The following SOX6 variants were observed in gnomAD, a reference collection of about 807,000 sequenced individuals.
SOX6 encodes SRY-box transcription factor 6, also known as transcription factor SOX-6.
A neutral mutation model predicts 97.8 loss-of-function variants in SOX6; 11 were observed. The ratio of observed to expected loss-of-function variants is 0.11; its 90% CI spans 0.07 to 0.19. The LOEUF (loss-of-function observed/expected upper bound fraction) is 0.19, where lower values mean the gene tolerates loss of function less well. Among genes scored for constraint, SOX6 ranks in the 10% least tolerant of loss-of-function variants. The pLI, the probability that SOX6 is intolerant of heterozygous loss-of-function variation, is 1.00. For missense variants in SOX6, 810 were observed against 1,039.5 expected (o/e 0.78, Z 3.04); for synonymous variants, 360 against 371.4 (o/e 0.97, Z 0.35).
At chr11:15,984,282 T>C (rs55893116) in intron 15 of SOX6, among the ~76,000 whole-genome samples, 1,864 of 152,298 alleles carry the variant, frequency 0.012, 32 homozygotes, top group African/African-American at 0.043. Flanking sequence ...GGGAACTAAA[T>C]TCAATAGTAT....
chr11:16,236,647 T>C (rs968402318), intron 3 of SOX6, among the ~76,000 whole-genome samples: 1 of 152,000 alleles, frequency 6.6e-6, no homozygotes, highest in Non-Finnish European at 1.5e-5. Flanking sequence ...AAAAGCCCAA[T>C]TTATTTGTAA....
intron 4 of SOX6, among the ~76,000 whole-genome samples, chr11:16,589,534 AGGCC>A (rs1848128284): frequency 6.6e-6 from 1 of 152,198 alleles, no homozygotes; most frequent in Admixed American, 6.5e-5. Context: ...TTAATAATGT[AGGCC>A]TTAATGATAA....
chr11:16,130,585 T>C (rs907989191), intron 6 of SOX6, among the ~76,000 whole-genome samples: 13 of 151,996 alleles, frequency 8.6e-5, no homozygotes, highest in African/African-American at 2.7e-4. Flanking sequence ...AACTGATTTA[T>C]AGATTCAACA....
chr11:16,169,774 T>C (rs956023357), intron 6 of SOX6, among the ~76,000 whole-genome samples: 1 of 152,084 alleles, frequency 6.6e-6, no homozygotes, highest in African/African-American at 2.4e-5. Context: ...TATATTAGTC[T>C]TTCCCCTCCC....
intron 6 of SOX6, among the ~76,000 whole-genome samples, chr11:16,169,222 T>C (rs1300570950): frequency 6.6e-6 from 1 of 152,126 alleles, no homozygotes; most frequent in Non-Finnish European, 1.5e-5. Flanking sequence ...TTGTAAATAA[T>C]TCAAATAACT....
intron 4 of SOX6, among the ~76,000 whole-genome samples, chr11:16,575,588 A>G (rs1368536101): frequency 6.6e-6 from 1 of 152,238 alleles, no homozygotes; most frequent in Non-Finnish European, 1.5e-5. Context: ...ATAATGATAC[A>G]GTTTGACAAA....
chr11:16,621,326 G>A (rs1211000391), intron 3 of SOX6, among the ~76,000 whole-genome samples: 2 of 152,162 alleles, frequency 1.3e-5, no homozygotes, highest in Non-Finnish European at 2.9e-5. Flanking sequence ...ATGTATAGGT[G>A]TGGGTGCTAA....
At chr11:16,269,732 T>C (rs1443479102) in intron 3 of SOX6, among the ~76,000 whole-genome samples, 4 of 151,206 alleles carry the variant, frequency 2.6e-5, no homozygotes, top group African/African-American at 9.7e-5. Context: ...CCATTAATTA[T>C]ATCCTCTAAT....
chr11:16,510,326 T>C (rs1352506025), intron 4 of SOX6, among the ~76,000 whole-genome samples: 1 of 152,068 alleles, frequency 6.6e-6, no homozygotes, highest in African/African-American at 2.4e-5. Context: ...TTGGAGTCAA[T>C]GGCCTATTTA....
chr11:16,167,855 T>C (rs1302687100), intron 6 of SOX6, among the ~76,000 whole-genome samples: 1 of 152,234 alleles, frequency 6.6e-6, no homozygotes, highest in Non-Finnish European at 1.5e-5. Flanking sequence ...ATAGCAGTTC[T>C]TGTAGTGTGC....
chr11:16,200,645 A>G (rs1851909339), intron 4 of SOX6, among the ~76,000 whole-genome samples: 1 of 152,244 alleles, frequency 6.6e-6, no homozygotes, highest in Admixed American at 6.5e-5. Context: ...TGCACTGATG[A>G]AAAAACTGTT....
chr11:16,139,249 A>G (rs1850062463), intron 6 of SOX6, among the ~76,000 whole-genome samples: 1 of 152,068 alleles, frequency 6.6e-6, no homozygotes, highest in Non-Finnish European at 1.5e-5. Context: ...CTTTGAGACT[A>G]TGTGAATGTA....
At chr11:16,558,168 G>T (rs2133189387) in intron 4 of SOX6, among the ~76,000 whole-genome samples, 1 of 152,032 alleles carries the variant, frequency 6.6e-6, no homozygotes, top group Non-Finnish European at 1.5e-5. Context: ...CTGAATAGTG[G>T]TCATAGTAGG....
In SOX6 at chr11:16,182,678, G is replaced by C. The variant is rs542203466; in HGVS notation, c.777+1208C>G. On this transcript the variant is annotated intron_variant, in intron 6 of 15. Transcript: ENST00000683767. ...TACTTGAATATGGAATACTGAATAC[G>C]ACAAAAACCAACAAAAAAGTTGGCT... Among the ~76,000 whole-genome samples the C allele has an allele frequency of 2.0e-5, 3 of 151,658 alleles. No homozygotes were observed. The South Asian group carries it at 6.2e-4, about 32-fold the overall frequency.
At chr11:16,494,308 G>A (rs966125986) in intron 4 of SOX6, among the ~76,000 whole-genome samples, 13 of 152,084 alleles carry the variant, frequency 8.5e-5, no homozygotes, top group African/African-American at 2.4e-4. Context: ...TCCAGAAGGC[G>A]GACGTTGCAG....
chr11:16,443,927 C>A (rs1422287660), intron 1 of SOX6, among the ~76,000 whole-genome samples: 1 of 149,880 alleles, frequency 6.7e-6, no homozygotes, highest in Non-Finnish European at 1.5e-5. Context: ...GCAGGAGAAT[C>A]GCTTGAACCC....
intron 1 of SOX6, among the ~76,000 whole-genome samples, chr11:16,374,155 T>C (rs1049791525): frequency 6.6e-6 from 1 of 152,066 alleles, no homozygotes; most frequent in East Asian, 1.9e-4. Context: ...TATGTGCCTC[T>C]TCATTATTCA....
chr11:16,438,968 TA>T (rs1278585639), intron 1 of SOX6, among the ~76,000 whole-genome samples: 1 of 152,202 alleles, frequency 6.6e-6, no homozygotes, highest in Non-Finnish European at 1.5e-5. Flanking sequence ...AGTATATTGT[TA>T]TGTTCTTCCA....
At chr11:16,586,285 TC>T (rs1174019655) in intron 4 of SOX6, among the ~76,000 whole-genome samples, 6 of 151,542 alleles carry the variant, frequency 4.0e-5, no homozygotes, top group Non-Finnish European at 8.8e-5. Flanking sequence ...TAACATAAAT[TC>T]AGAAAGAAGT....
Sources: gnomAD v4.1 joint callset for allele counts (sites outside exome capture counted in the v4.1 genomes callset) on GRCh38, gnomAD v4.1.1 for gene constraint, MANE v1.5 for transcripts, NCBI Gene and HGNC (gene_info 2026-07-23, HGNC 2026-07-21) for gene names.